Variants in LGALS9 observed in about 807,000 individuals in gnomAD.
LGALS9 encodes galectin 9, also known as galectin-9.
A neutral mutation model predicts 35.9 loss-of-function variants in LGALS9; 26 were observed. The observed-to-expected ratio is 0.72, with a 90% confidence interval of 0.53 to 1.01. The LOEUF (loss-of-function observed/expected upper bound fraction) is 1.01. Ranked by LOEUF, LGALS9 falls within the 50% of genes least tolerant of loss-of-function variation. The pLI is 0.00. For missense variants in LGALS9, 347 were observed against 445.8 expected, an observed-to-expected ratio of 0.78 and a Z score of 1.99; for synonymous variants, 149 against 172.2, an observed-to-expected ratio of 0.87 and a Z score of 1.06.
At chr17:27,645,819 C>T in intron 6 of LGALS9, 42 bp from the exon 7 acceptor site, 2 of 1,548,666 alleles carry the variant, frequency 1.3e-6, no homozygotes, top group Non-Finnish European at 1.8e-6. Context: ...TGGTGGTTTT[C>T]ACACGTGAGA....
chr17:27,646,510 T>C lies in LGALS9; in HGVS notation c.628-37T>C, dbSNP rs200184399. On this transcript the variant is annotated intron_variant, in intron 7 of 10. Coordinates refer to ENST00000395473, the MANE Select transcript of LGALS9 (RefSeq NM_009587.3). ...CTGGGTGAGTGCTCGCGCACCCATG[T>C]GCTCTCCCATTGAATTTCCTGGTTT... The C allele has an allele frequency of 1.9e-3, 3,058 of 1,611,986 alleles. 6 individuals carry two copies. Among genetic ancestry groups the C allele is most frequent in the Admixed American group, 2.4e-3 (145 of 60,024 alleles).
At chr17:27,637,206 G>C (rs1306912219) in intron 1 of LGALS9, among the ~76,000 whole-genome samples, 3 of 152,204 alleles carry the variant, frequency 2.0e-5, no homozygotes, top group Non-Finnish European at 2.9e-5. Flanking sequence ...GTACCAGTTT[G>C]TGAATTTTGC....
chr17:27,632,182 G>A (rs1394213865), intron 1 of LGALS9, among the ~76,000 whole-genome samples: 1 of 150,266 alleles, frequency 6.7e-6, no homozygotes, highest in Non-Finnish European at 1.5e-5. Flanking sequence ...GCCGGCTCCT[G>A]TCATAGGATC....
At chr17:27,637,620 G>A (rs1331705801) in intron 1 of LGALS9, among the ~76,000 whole-genome samples, 2 of 152,230 alleles carry the variant, frequency 1.3e-5, no homozygotes, top group Non-Finnish European at 2.9e-5. Flanking sequence ...AGAAATAGAG[G>A]AGGGGGCTGC....
At chr17:27,648,769 G>C in intron 10 of LGALS9, 67 bp from the exon 11 acceptor site, 1 of 1,609,136 alleles carries the variant, frequency 6.2e-7, no homozygotes, top group Non-Finnish European at 8.5e-7. Context: ...GAGGGAGGGA[G>C]AGAGGAGGCT....
intron 1 of LGALS9, among the ~76,000 whole-genome samples, chr17:27,634,315 G>A (rs1025203112): frequency 2.0e-5 from 3 of 152,130 alleles, no homozygotes; most frequent in East Asian, 1.9e-4. Context: ...TTGAGAAGCC[G>A]AGGCAGGAGG....
chr17:27,636,809 C>T (rs2074457139), intron 1 of LGALS9, among the ~76,000 whole-genome samples: 1 of 151,984 alleles, frequency 6.6e-6, no homozygotes, highest in Non-Finnish European at 1.5e-5. Flanking sequence ...CAAATTTTCC[C>T]CCAAGAAATT....
intron 1 of LGALS9, among the ~76,000 whole-genome samples, chr17:27,637,068 A>T (rs2074460292): frequency 6.6e-6 from 1 of 152,060 alleles, no homozygotes; most frequent in South Asian, 2.1e-4. Flanking sequence ...CCTAAAGGAG[A>T]TATTAGAGAA....
At position 27,646,478 on chromosome 17, in the gene LGALS9, G is replaced by A. The variant is rs1904951063; in HGVS notation, c.628-69G>A. ...AGTGGAGTCCTCTCTAGAACGCGTGGGTGCGCCTGGGTGAGTGCTCGCGCA... is the reference window on the plus strand; with the variant it reads ...AGTGGAGTCCTCTCTAGAACGCGTGAGTGCGCCTGGGTGAGTGCTCGCGCA... On this transcript the variant is annotated intron_variant, in intron 7 of 10. Transcript: ENST00000395473. 9.3e-6 allele frequency: 15 copies of A among 1,609,540 alleles called. No homozygotes were observed. In the Admixed American group the frequency reaches 2.5e-4, roughly 27 times the overall value.
intron 4 of LGALS9, among the ~76,000 whole-genome samples, chr17:27,642,778 C>T (rs974246102): frequency 6.6e-5 from 10 of 152,184 alleles, no homozygotes; most frequent in Admixed American, 5.2e-4. Flanking sequence ...TCATTGCCTG[C>T]CCCCCATGGG....
At position 27,647,020 on chromosome 17, in the gene LGALS9, C is replaced by T; in HGVS notation, c.670-10C>T. On this transcript the variant is annotated splice_polypyrimidine_tract_variant and intron_variant, in intron 8 of 10. Transcript: ENST00000395473. ...GCGTGGTGGCTGACCTGTCCCCCTT[C>T]TTCCGACAGCCGATGCCTTTCATCA... 8.7e-6 allele frequency: 14 copies of T among 1,614,000 alleles called. No individual in the cohort carries two copies. The highest frequency in any genetic ancestry group is 2.2e-5 in the South Asian group (2 of 91,076).
rs773759542 is a variant in LGALS9, at chr17:27,643,575, C to A, written c.495C>A (p.Ser165=). ...CTGCCTTCTCCACGGTGCCGTTCTC[C>A]CAGCCTGTCTGTTTCCCACCCAGGC... ...VQPAFSTVPF[S]QPVCFPPRPR... The change falls in exon 5 of 11, where the codon TCC becomes TCA. Residue 165 remains serine (S), a synonymous_variant. Transcript: ENST00000395473. 2 of 1,611,920 alleles carry A rather than the reference C, an allele frequency of 1.2e-6. No homozygotes were observed. The highest frequency in any genetic ancestry group is 1.7e-6 in the Non-Finnish European group (2 of 1,179,774).
chr17:27,640,785 T>A lies in LGALS9; in HGVS notation c.333+12T>A. 1 of 1,613,530 alleles carries A rather than the reference T, an allele frequency of 6.2e-7. No homozygotes were observed. Among genetic ancestry groups the A allele is most frequent in the Non-Finnish European group, 8.5e-7 (1 of 1,179,714 alleles). On this transcript the variant is annotated intron_variant, in intron 3 of 10. Coordinates refer to ENST00000395473, the MANE Select transcript of LGALS9 (RefSeq NM_009587.3). ...GCTCAGATTTCAAGGTGAGCAAGAA[T>A]CCCCTCCCCACCTCTCACCCCTGGG...
chr17:27,647,345 C>A lies in LGALS9; in HGVS notation c.834C>A (p.Val278=), dbSNP rs1905030312. The A allele has an allele frequency of 6.2e-7, 1 of 1,614,214 alleles. No individual in the cohort carries two copies. The highest frequency in any genetic ancestry group is 8.5e-7 in the Non-Finnish European group (1 of 1,180,046). Residue 278 remains valine (V), a synonymous_variant, in exon 10 of 11, where the codon GTC becomes GTA. Coordinates refer to ENST00000395473, the MANE Select transcript of LGALS9 (RefSeq NM_009587.3). Reference sequence around the variant, plus strand: ...CCCGTTTTGATGAGAATGCTGTGGTCCGCAACACCCAGATCGACAACTCCT... The same window carrying A: ...CCCGTTTTGATGAGAATGCTGTGGTACGCAACACCCAGATCGACAACTCCT... ...LNPRFDENAV[V]RNTQIDNSWG...
intron 7 of LGALS9, among the ~76,000 whole-genome samples, chr17:27,646,148 G>A (rs1197963481): frequency 1.3e-5 from 2 of 152,138 alleles, no homozygotes; most frequent in Non-Finnish European, 2.9e-5. Context: ...TAGAGACCGG[G>A]AGGGAAACTG....
chr17:27,643,106 T>C (rs149015314), intron 4 of LGALS9, among the ~76,000 whole-genome samples: 133 of 152,306 alleles, frequency 8.7e-4, no homozygotes, highest in African/African-American at 2.6e-3. Flanking sequence ...ACCAATACCA[T>C]GTGAAAAATG....
At chr17:27,636,444 T>A (rs1268388516) in intron 1 of LGALS9, among the ~76,000 whole-genome samples, 10 of 152,130 alleles carry the variant, frequency 6.6e-5, no homozygotes, top group African/African-American at 2.4e-4. Context: ...CCATTTCAAA[T>A]ATTTCATTTT....
chr17:27,631,621 G>T (rs551912483), intron 1 of LGALS9, among the ~76,000 whole-genome samples: 2 of 152,154 alleles, frequency 1.3e-5, no homozygotes, highest in Non-Finnish European at 2.9e-5. Flanking sequence ...AAGCAAGCAC[G>T]CTTCTGGGAC....
intron 1 of LGALS9, among the ~76,000 whole-genome samples, chr17:27,632,800 C>T (rs2074405495): frequency 1.3e-5 from 2 of 152,200 alleles, no homozygotes; most frequent in Admixed American, 1.3e-4. Context: ...CTATGGGTGT[C>T]CAGAGTACCC....
Sources: gnomAD v4.1 joint callset for allele counts (sites outside exome capture counted in the v4.1 genomes callset) on GRCh38, gnomAD v4.1.1 for gene constraint, MANE v1.5 for transcripts, NCBI Gene and HGNC (gene_info 2026-07-23, HGNC 2026-07-21) for gene names.